The following SLC24A3 variants were observed in gnomAD, a reference collection of about 807,000 sequenced individuals.
SLC24A3 encodes sodium/potassium/calcium exchanger 3.
SLC24A3 carries 28 observed loss-of-function variants against 75.8 expected under a neutral mutation model. The observed-to-expected ratio is 0.37, with a 90% CI of 0.27 to 0.51. The LOEUF (loss-of-function observed/expected upper bound fraction) is 0.51. Ranked by LOEUF, SLC24A3 falls within the 20% of genes least tolerant of loss-of-function variation. SLC24A3 has a pLI of 0.94. For missense variants in SLC24A3, 663 were observed against 847.8 expected, an observed-to-expected ratio of 0.78 and a Z score of 2.71; for synonymous variants, 372 against 334.1, an observed-to-expected ratio of 1.11 and a Z score of -1.24.
chr20:19,384,350 T>C (rs6046035), intron 2 of SLC24A3, among the ~76,000 whole-genome samples: 67,329 of 152,006 alleles, frequency 0.44, 15,274 homozygotes, highest in Middle Eastern at 0.58. Context: ...GCCTCCTAGC[T>C]CCTGGTAACC....
At chr20:19,515,630 C>T in intron 3 of SLC24A3, 66 bp downstream of exon 3, 1 of 1,518,914 alleles carries the variant, frequency 6.6e-7, no homozygotes, top group Non-Finnish European at 9.1e-7. Flanking sequence ...TGGGGTGTGG[C>T]ACCTGAGGTG....
chr20:19,654,803 A>G (rs2032247826), intron 7 of SLC24A3, among the ~76,000 whole-genome samples: 1 of 151,762 alleles, frequency 6.6e-6, no homozygotes, highest in African/African-American at 2.4e-5. Flanking sequence ...GTGCACCACC[A>G]CGGCTGGCTA....
At position 19,409,588 on chromosome 20, in the gene SLC24A3, T is replaced by C. The variant is rs1016452910; in HGVS notation, c.272-105900T>C. On this transcript the variant is annotated intron_variant, in intron 2 of 16. Transcript: ENST00000328041. Reference sequence around the variant, plus strand: ...AGGAGTAGGGGAGATACATTTCTTATATGATTGTAACAAGCAAGGAAAAAT... The same window carrying C: ...AGGAGTAGGGGAGATACATTTCTTACATGATTGTAACAAGCAAGGAAAAAT... Among the ~76,000 whole-genome samples, 18 of 152,180 alleles carry C rather than the reference T, an allele frequency of 1.2e-4. 1 individual carries two copies. The highest frequency in any genetic ancestry group is 3.9e-4 in the Admixed American group (6 of 15,274).
chr20:19,458,421 A>G (rs1428218308), intron 2 of SLC24A3, among the ~76,000 whole-genome samples: 1 of 152,236 alleles, frequency 6.6e-6, no homozygotes, highest in Non-Finnish European at 1.5e-5. Flanking sequence ...GTTCAGCTGC[A>G]TTGAGTACAT....
At chr20:19,572,899 A>C (rs573377200) in intron 3 of SLC24A3, among the ~76,000 whole-genome samples, 7 of 152,320 alleles carry the variant, frequency 4.6e-5, no homozygotes, top group Non-Finnish European at 8.8e-5. Context: ...TTAAAAAAAA[A>C]CTTTTATATT....
intron 3 of SLC24A3, among the ~76,000 whole-genome samples, chr20:19,521,294 G>A (rs1260126282): frequency 6.6e-6 from 1 of 152,164 alleles, no homozygotes; most frequent in African/African-American, 2.4e-5. Context: ...ATAGTCCCCA[G>A]AAGTCTCTAA....
chr20:19,226,039 T>C (rs1480884768), intron 1 of SLC24A3, among the ~76,000 whole-genome samples: 1 of 152,208 alleles, frequency 6.6e-6, no homozygotes, highest in African/African-American at 2.4e-5. Context: ...CTGTTAAGTA[T>C]GCTATTTGCT....
chr20:19,655,198 G>A (rs1443692845), intron 7 of SLC24A3, among the ~76,000 whole-genome samples: 1 of 152,190 alleles, frequency 6.6e-6, no homozygotes, highest in African/African-American at 2.4e-5. Flanking sequence ...GTTCATTGCG[G>A]GTCAGTGTTT....
intron 2 of SLC24A3, among the ~76,000 whole-genome samples, chr20:19,471,763 C>T (rs1318728903): frequency 1.3e-5 from 2 of 152,110 alleles, no homozygotes; most frequent in Non-Finnish European, 2.9e-5. Context: ...ACCCTGATGT[C>T]CCCTGCAGCA....
At chr20:19,470,160 T>C (rs1392618495) in intron 2 of SLC24A3, among the ~76,000 whole-genome samples, 1 of 152,238 alleles carries the variant, frequency 6.6e-6, no homozygotes, top group Non-Finnish European at 1.5e-5. Context: ...AGATTTACAC[T>C]GGAGACCAAA....
At chr20:19,325,795 TAGAGAGAGAGAGAGAGAGAGAGAGAG>T (rs745745496) in intron 2 of SLC24A3, among the ~76,000 whole-genome samples, 2 of 67,780 alleles carry the variant, frequency 3.0e-5, no homozygotes, top group African/African-American at 1.1e-4. Flanking sequence ...TATATATATA[TAGAGAGAGAGAGAGAGAGAGAGAGAG>T]AGAGAGAGAG....
chr20:19,637,362 A>C (rs2032014273), intron 6 of SLC24A3, among the ~76,000 whole-genome samples: 3 of 152,244 alleles, frequency 2.0e-5, no homozygotes, highest in Non-Finnish European at 2.9e-5. Flanking sequence ...AAATATAATG[A>C]AAAGGACCAA....
intron 2 of SLC24A3, among the ~76,000 whole-genome samples, chr20:19,342,683 A>AT (rs1985296118): frequency 1.3e-5 from 2 of 152,150 alleles, no homozygotes; most frequent in Non-Finnish European, 1.5e-5. Flanking sequence ...ATCTCTTGGC[A>AT]TTTTTTAAAG....
At chr20:19,676,504 T>C (rs942548526) in intron 9 of SLC24A3, among the ~76,000 whole-genome samples, 2 of 152,186 alleles carry the variant, frequency 1.3e-5, no homozygotes, top group African/African-American at 4.8e-5. Context: ...GCTTTAATCA[T>C]TGGGTTTTAT....
At chr20:19,560,262 T>C (rs1184600282) in intron 3 of SLC24A3, among the ~76,000 whole-genome samples, 1 of 152,164 alleles carries the variant, frequency 6.6e-6, no homozygotes, top group Non-Finnish European at 1.5e-5. Flanking sequence ...AGAGGAACTA[T>C]GTAGACCACA....
chr20:19,598,207 C>T (rs1387165426), intron 6 of SLC24A3, among the ~76,000 whole-genome samples: 1 of 152,052 alleles, frequency 6.6e-6, no homozygotes, highest in Non-Finnish European at 1.5e-5. Flanking sequence ...TGAAGTAAGA[C>T]ATTTGTGGCC....
chr20:19,572,542 C>A (rs1318192820), intron 3 of SLC24A3, among the ~76,000 whole-genome samples: 1 of 152,162 alleles, frequency 6.6e-6, no homozygotes. Flanking sequence ...TTCTTGACTT[C>A]TTTGTGTGGT....
intron 2 of SLC24A3, among the ~76,000 whole-genome samples, chr20:19,424,990 C>A (rs1273567501): frequency 6.6e-6 from 1 of 151,992 alleles, no homozygotes; most frequent in Non-Finnish European, 1.5e-5. Context: ...ATGGCCAATA[C>A]CCGCAAAACA....
chr20:19,522,907 C>G (rs559604086), intron 3 of SLC24A3, among the ~76,000 whole-genome samples: 3 of 151,960 alleles, frequency 2.0e-5, no homozygotes, highest in Non-Finnish European at 4.4e-5. Context: ...ACCTCACATT[C>G]TTACTTATTT....
Sources: gnomAD v4.1 joint callset for allele counts (sites outside exome capture counted in the v4.1 genomes callset) on GRCh38, gnomAD v4.1.1 for gene constraint, MANE v1.5 for transcripts, NCBI Gene and HGNC (gene_info 2026-07-23, HGNC 2026-07-21) for gene names.